The following SGPP1 variants were observed in gnomAD, a reference collection of about 807,000 sequenced individuals.
SGPP1 encodes the protein hSPP1.
In SGPP1, 21 loss-of-function variants were observed where a neutral mutation model predicts 33.0. The observed-to-expected ratio is 0.64, with a 90% CI of 0.45 to 0.92. The LOEUF is 0.92. Among genes scored for constraint, SGPP1 ranks in the 40% least tolerant of loss-of-function variants. The pLI, the probability that SGPP1 is intolerant of heterozygous loss-of-function variation, is 0.00. For missense variants in SGPP1, 543 were observed against 589.4 expected (o/e 0.92, Z 0.81); for synonymous variants, 239 against 241.2 (o/e 0.99, Z 0.08).
intron 2 of SGPP1, among the ~76,000 whole-genome samples, chr14:63,693,442 T>A (rs1373629630): frequency 6.6e-6 from 1 of 152,242 alleles, no homozygotes; most frequent in Non-Finnish European, 1.5e-5. Context: ...TTTCATGTTA[T>A]ATGCTAAAGT....
chr14:63,709,328 T>C (rs952102656), intron 1 of SGPP1, among the ~76,000 whole-genome samples: 4 of 150,332 alleles, frequency 2.7e-5, no homozygotes, highest in South Asian at 4.2e-4. Context: ...GAGCTGAAAC[T>C]ATGCCATTGC....
chr14:63,716,898 G>A (rs1387723181), intron 1 of SGPP1, among the ~76,000 whole-genome samples: 1 of 151,964 alleles, frequency 6.6e-6, no homozygotes, highest in Non-Finnish European at 1.5e-5. Context: ...TCTGCATGTT[G>A]GCCAGGCTGG....
chr14:63,714,549 T>C (rs1885582102), intron 1 of SGPP1, among the ~76,000 whole-genome samples: 3 of 151,990 alleles, frequency 2.0e-5, no homozygotes, highest in Admixed American at 1.3e-4. Context: ...GCTTCCCAAG[T>C]ATCTGGGACT....
In SGPP1 at chr14:63,704,951, C is replaced by T. The variant is rs533305647; in HGVS notation, c.685-6293G>A. ...GACCAGCCTGGCCAACATGGTGAGA[C>T]CCTGTCTCTATGAAAAATACAAAAA... On this transcript the variant is annotated intron_variant, in intron 1 of 2. Transcript: ENST00000247225. Among the ~76,000 whole-genome samples, 4 of 152,096 alleles carry T rather than the reference C, an allele frequency of 2.6e-5. No homozygotes were observed. The South Asian group carries it at 8.3e-4, about 32-fold the overall frequency.
intron 1 of SGPP1, among the ~76,000 whole-genome samples, chr14:63,711,653 T>G (rs1030086033): frequency 1.3e-5 from 2 of 152,196 alleles, no homozygotes; most frequent in East Asian, 1.9e-4. Flanking sequence ...ATAATCTGCT[T>G]TACTCAAAGT....
chr14:63,712,915 C>G (rs1213309567), intron 1 of SGPP1, among the ~76,000 whole-genome samples: 1 of 113,324 alleles, frequency 8.8e-6, no homozygotes, highest in Non-Finnish European at 1.7e-5. Flanking sequence ...AAAACTCTGT[C>G]TCAAAAAAAA....
chr14:63,694,596 C>T (rs1382058581), intron 2 of SGPP1, among the ~76,000 whole-genome samples: 2 of 151,966 alleles, frequency 1.3e-5, no homozygotes, highest in Non-Finnish European at 2.9e-5. Flanking sequence ...AACTCCTATC[C>T]AATAGAATCA....
At chr14:63,710,006 C>A (rs997943250) in intron 1 of SGPP1, among the ~76,000 whole-genome samples, 1 of 152,090 alleles carries the variant, frequency 6.6e-6, no homozygotes, top group Non-Finnish European at 1.5e-5. Flanking sequence ...AAAACAATTA[C>A]AAAAACTGTC....
At position 63,689,855 on chromosome 14, in the gene SGPP1, C is replaced by T. The variant is rs569202768; in HGVS notation, c.775-3199G>A. Among the ~76,000 whole-genome samples, 16 of 151,782 alleles carry T rather than the reference C, an allele frequency of 1.1e-4. No homozygotes were observed. The South Asian group carries it at 3.3e-3, about 32-fold the overall frequency. On this transcript the variant is annotated intron_variant, in intron 2 of 2. Coordinates refer to ENST00000247225, the MANE Select transcript of SGPP1 (RefSeq NM_030791.4). ...CTTTCTGAGCTTTGCTAAAATGTTA[C>T]AGCAGTCTCTTTTGAACTGCTTTTT...
intron 1 of SGPP1, among the ~76,000 whole-genome samples, chr14:63,699,408 G>A (rs1342001301): frequency 6.6e-6 from 1 of 152,164 alleles, no homozygotes; most frequent in African/African-American, 2.4e-5. Context: ...GGGCACATTT[G>A]GGGCTGTTTA....
At chr14:63,710,272 A>C (rs117603898) in intron 1 of SGPP1, among the ~76,000 whole-genome samples, 3 of 152,328 alleles carry the variant, frequency 2.0e-5, no homozygotes, top group Non-Finnish European at 2.9e-5. Flanking sequence ...CTAGAATTCT[A>C]TACTAAGGAC....
intron 1 of SGPP1, among the ~76,000 whole-genome samples, chr14:63,726,559 A>G (rs551254392): frequency 6.6e-6 from 1 of 152,300 alleles, no homozygotes; most frequent in East Asian, 1.9e-4. Flanking sequence ...CTTTTAAACC[A>G]TGCATTTTTA....
chr14:63,707,657 G>A (rs80306769), intron 1 of SGPP1, among the ~76,000 whole-genome samples: 3,657 of 152,004 alleles, frequency 0.024, 64 homozygotes, highest in Non-Finnish European at 0.032. Flanking sequence ...TGCTGGTCAG[G>A]CTGGTCTTGA....
intron 2 of SGPP1, among the ~76,000 whole-genome samples, chr14:63,694,694 A>G (rs188082068): frequency 1.3e-5 from 2 of 152,342 alleles, no homozygotes; most frequent in Non-Finnish European, 2.9e-5. Context: ...TGTATAACTA[A>G]GTGGTTTTAA....
intron 2 of SGPP1, 121 bp downstream of exon 2, chr14:63,698,448 T>G: frequency 2.0e-6 from 1 of 495,228 alleles, no homozygotes; most frequent in Non-Finnish European, 3.5e-6. Flanking sequence ...AAAACAAAGT[T>G]AGACGACTTA....
At chr14:63,711,316 T>C (rs1885517955) in intron 1 of SGPP1, among the ~76,000 whole-genome samples, 1 of 152,096 alleles carries the variant, frequency 6.6e-6, no homozygotes, top group Non-Finnish European at 1.5e-5. Context: ...CACCTGGCCA[T>C]TAAGATTGTT....
intron 1 of SGPP1, among the ~76,000 whole-genome samples, chr14:63,724,713 G>C (rs1191334178): frequency 6.7e-6 from 1 of 150,152 alleles, no homozygotes; most frequent in African/African-American, 2.5e-5. Context: ...CCAGTGGTGG[G>C]GAGGCCGATG....
At chr14:63,696,573 ATACT>A (rs1443056469) in intron 2 of SGPP1, among the ~76,000 whole-genome samples, 5 of 152,370 alleles carry the variant, frequency 3.3e-5, no homozygotes, top group East Asian at 1.9e-4. Context: ...TAAAAATATG[ATACT>A]TAATCTGATT....
chr14:63,694,240 C>T (rs1885144112), intron 2 of SGPP1, among the ~76,000 whole-genome samples: 1 of 151,100 alleles, frequency 6.6e-6, no homozygotes, highest in Non-Finnish European at 1.5e-5. Context: ...CGCCACTGCA[C>T]TCCAGCCTGG....
Sources: allele counts gnomAD v4.1 joint callset (sites outside exome capture counted in the v4.1 genomes callset), GRCh38; gene constraint gnomAD v4.1.1; transcripts MANE v1.5; gene names NCBI Gene and HGNC (gene_info 2026-07-23, HGNC 2026-07-21).